The following SGCD variants were observed in gnomAD, a reference collection of about 807,000 sequenced individuals.
SGCD encodes delta-sarcoglycan.
Under a neutral mutation model 36.6 loss-of-function variants are expected in SGCD, and 18 were observed. The observed-to-expected ratio is 0.49, with a 90% confidence interval of 0.34 to 0.73. SGCD has a LOEUF of 0.73. Among genes scored for constraint, SGCD ranks in the 30% least tolerant of loss-of-function variants. SGCD has a pLI of 0.01. For synonymous variants in SGCD, 133 were observed against 130.6 expected (o/e 1.02, Z -0.12); for missense variants, 387 against 346.7 (o/e 1.12, Z -0.92).
chr5:156,146,737 G>A (rs745349409), intron 3 of SGCD, among the ~76,000 whole-genome samples: 13 of 152,256 alleles, frequency 8.5e-5, no homozygotes, highest in South Asian at 2.1e-4. Flanking sequence ...AAAAATAAGC[G>A]TTAGTGAGCT....
intron 1 of SGCD, among the ~76,000 whole-genome samples, chr5:155,990,760 A>G (rs569833838): frequency 2.0e-5 from 3 of 152,282 alleles, no homozygotes; most frequent in South Asian, 4.1e-4. Context: ...TCTTGCAGCA[A>G]CCTTTTGTGA....
At chr5:156,450,141 T>C (rs1174131267) in intron 3 of SGCD, among the ~76,000 whole-genome samples, 1 of 152,150 alleles carries the variant, frequency 6.6e-6, no homozygotes, top group Non-Finnish European at 1.5e-5. Context: ...TTCAATATTA[T>C]TCTGTCTTAC....
chr5:155,805,538 T>C, the SGCD span, among the ~76,000 whole-genome samples: 2 of 152,342 alleles, frequency 1.3e-5, no homozygotes, highest in East Asian at 3.9e-4. Flanking sequence ...CATTGGAGTA[T>C]GTTTAGCAGC....
intron 6 of SGCD, among the ~76,000 whole-genome samples, chr5:156,601,789 T>C (rs2113414958): frequency 6.6e-6 from 1 of 152,258 alleles, no homozygotes; most frequent in South Asian, 2.1e-4. Flanking sequence ...GTTCCGGACA[T>C]TCTCCTGCCT....
chr5:156,671,900 G>A (rs1456033349), intron 7 of SGCD, among the ~76,000 whole-genome samples: 1 of 151,980 alleles, frequency 6.6e-6, no homozygotes, highest in East Asian at 1.9e-4. Context: ...AAGAGAAAGG[G>A]AATAAGAAAG....
intron 3 of SGCD, among the ~76,000 whole-genome samples, chr5:156,412,942 C>A (rs1429795085): frequency 6.6e-6 from 1 of 151,706 alleles, no homozygotes; most frequent in African/African-American, 2.4e-5. Flanking sequence ...ACTACAGGCG[C>A]CCGCCACCGC....
chr5:155,778,121 C>T, the SGCD span, among the ~76,000 whole-genome samples: 1 of 152,068 alleles, frequency 6.6e-6, no homozygotes, highest in Non-Finnish European at 1.5e-5. Context: ...GTCAAAAGGG[C>T]ATTTTTTATG....
In SGCD at chr5:156,143,981, T is replaced by C. The variant is rs183497772; in HGVS notation, c.-44+19962T>C. Reference sequence around the variant, plus strand: ...CAATTCCCACCTATGAGTGAGAACATGTGGTGTTTGTTTTTTTTTCCTTGC... The same window carrying C: ...CAATTCCCACCTATGAGTGAGAACACGTGGTGTTTGTTTTTTTTTCCTTGC... On this transcript the variant is annotated intron_variant, in intron 3 of 9. Coordinates refer to the SGCD transcript ENST00000517913. Among the ~76,000 whole-genome samples, 1,204 of 147,298 alleles carry C rather than the reference T, an allele frequency of 8.2e-3. 19 individuals carry two copies. The highest frequency in any genetic ancestry group is 0.028 in the African/African-American group (1,104 of 39,946).
At chr5:156,084,728 T>C (rs1206531118) in intron 1 of SGCD, among the ~76,000 whole-genome samples, 1 of 152,232 alleles carries the variant, frequency 6.6e-6, no homozygotes. Context: ...TCCAGTACCA[T>C]GTTTAACAAG....
the SGCD span, among the ~76,000 whole-genome samples, chr5:155,854,463 G>A: frequency 1.9e-4 from 29 of 151,910 alleles, no homozygotes; most frequent in African/African-American, 6.3e-4. Flanking sequence ...TTTTTTTCGT[G>A]GATGTAAAAA....
chr5:156,386,915 GTTTCTTGTT>G (rs1385788392), intron 3 of SGCD, among the ~76,000 whole-genome samples: 13 of 152,168 alleles, frequency 8.5e-5, no homozygotes, highest in South Asian at 4.1e-4. Flanking sequence ...ATTCATTGTT[GTTTCTTGTT>G]TTGTTACTTT....
chr5:156,093,977 A>G (rs919509129), intron 1 of SGCD, among the ~76,000 whole-genome samples: 1 of 152,188 alleles, frequency 6.6e-6, no homozygotes, highest in Non-Finnish European at 1.5e-5. Flanking sequence ...ATATTTGCCT[A>G]AGTGGGAATT....
At chr5:156,619,121 C>T (rs1762138406) in intron 6 of SGCD, among the ~76,000 whole-genome samples, 1 of 151,724 alleles carries the variant, frequency 6.6e-6, no homozygotes, top group African/African-American at 2.4e-5. Flanking sequence ...CGCCTCCCAG[C>T]TTCACGCCAT....
In SGCD at chr5:156,424,511, T is replaced by G. The variant is rs1303198763; in HGVS notation, c.192+79834T>G. On this transcript the variant is annotated intron_variant, in intron 3 of 8. Coordinates refer to ENST00000337851, the MANE Select transcript of SGCD (RefSeq NM_000337.6). ...CCTGATACAGGAAACCATTCCAAAT[T>G]TTTGGTCTTGCCACATCAATATCAC... Among the ~76,000 whole-genome samples, 6 of 152,208 alleles carry G rather than the reference T, an allele frequency of 3.9e-5. No individual in the cohort carries two copies. The East Asian group carries it at 1.2e-3, about 29-fold the overall frequency.
At chr5:156,728,601 C>G (rs941173515) in intron 7 of SGCD, among the ~76,000 whole-genome samples, 1 of 151,698 alleles carries the variant, frequency 6.6e-6, no homozygotes, top group African/African-American at 2.4e-5. Context: ...GCAGTGCCCC[C>G]CCACCACCAC....
intron 3 of SGCD, among the ~76,000 whole-genome samples, chr5:156,451,397 T>C (rs1754006523): frequency 6.6e-6 from 1 of 152,172 alleles, no homozygotes; most frequent in Non-Finnish European, 1.5e-5. Flanking sequence ...ATAGATATTA[T>C]GTTCAGACAG....
chr5:156,518,290 A>G (rs561328307), intron 4 of SGCD, among the ~76,000 whole-genome samples: 1 of 152,336 alleles, frequency 6.6e-6, no homozygotes, highest in East Asian at 1.9e-4. Context: ...AAAGCTAACT[A>G]TCCTAAATAT....
intron 3 of SGCD, among the ~76,000 whole-genome samples, chr5:156,166,437 C>G (rs1426354651): frequency 6.6e-6 from 1 of 152,074 alleles, no homozygotes; most frequent in Non-Finnish European, 1.5e-5. Flanking sequence ...CCACCTCAGC[C>G]TCCCGAGTAG....
chr5:155,973,400 G>C (rs995534957), intron 1 of SGCD, among the ~76,000 whole-genome samples: 2 of 152,166 alleles, frequency 1.3e-5, no homozygotes, highest in East Asian at 1.9e-4. Context: ...ATGTGGCTAA[G>C]TCGTGCCAGC....
Sources: gnomAD v4.1 joint callset for allele counts (sites outside exome capture counted in the v4.1 genomes callset) on GRCh38, gnomAD v4.1.1 for gene constraint, MANE v1.5 for transcripts, NCBI Gene and HGNC (gene_info 2026-07-23, HGNC 2026-07-21) for gene names.